Variants in ZNF200 observed in about 807,000 individuals in gnomAD.
ZNF200 encodes zinc finger protein 200.
Under a neutral mutation model 33.6 loss-of-function variants are expected in ZNF200, and 35 were observed. That is an observed-to-expected ratio of 1.04 (90% CI 0.80 to 1.38). ZNF200 has a LOEUF of 1.38. ZNF200 is among the 40% of genes most tolerant of loss of function. The pLI, the probability that ZNF200 is intolerant of heterozygous loss-of-function variation, is 0.00. For synonymous variants in ZNF200, 209 were observed against 167.7 expected (o/e 1.25, Z -1.90); for missense variants, 592 against 470.6 (o/e 1.26, Z -2.39).
intron 2 of ZNF200, 62 bp from the exon 3 acceptor site, chr16:3,232,983 A>G: frequency 6.8e-7 from 1 of 1,469,268 alleles, no homozygotes. Context: ...GAGACTCCCC[A>G]TACCGCGAGG....
At chr16:3,225,935 A>AG (rs1297417607) in intron 4 of ZNF200, 1 of 148,902 alleles carries the variant, frequency 6.7e-6, no homozygotes, top group East Asian at 2.0e-4. Context: ...TGGCAGAGAT[A>AG]GGGTCTTGCT....
chr16:3,222,975 T>C lies in ZNF200; in HGVS notation c.*917A>G, dbSNP rs1467561622. 7 of 152,408 alleles carry C rather than the reference T, an allele frequency of 4.6e-5. No individual in the cohort carries two copies. In the East Asian group the frequency reaches 9.6e-4, roughly 21 times the overall value. 9.4% of individuals were successfully genotyped at this position (152,408 alleles called of 1,614,324 possible). A position where few individuals can be genotyped will look rare whatever the true frequency, so the allele number is the denominator to read the frequency against. ...GGGACCTAAGCATATGGTAAGGTTA[T>C]TGATGAGACATGGATCCAAGCCAAC... On this transcript the variant is annotated 3_prime_UTR_variant, in exon 5 of 5. Coordinates refer to ENST00000414144, the MANE Select transcript of ZNF200 (RefSeq NM_198088.3).
intron 1 of ZNF200, 79 bp from the exon 2 acceptor site, chr16:3,233,915 A>T: frequency 1.6e-5 from 19 of 1,151,676 alleles, no homozygotes; most frequent in East Asian, 1.1e-4. Flanking sequence ...ATGGCTGGTG[A>T]GGCTACATGA....
At chr16:3,232,216 C>A (rs570019849) in intron 4 of ZNF200, among the ~76,000 whole-genome samples, 20 of 152,110 alleles carry the variant, frequency 1.3e-4, no homozygotes, top group Non-Finnish European at 2.8e-4. Flanking sequence ...CTCACTGCCC[C>A]CAAGATACAG....
At chr16:3,231,658 G>A (rs1008661162) in intron 4 of ZNF200, among the ~76,000 whole-genome samples, 3 of 152,172 alleles carry the variant, frequency 2.0e-5, no homozygotes, top group Non-Finnish European at 2.9e-5. Context: ...GGGAAATGAG[G>A]ACAAATAAAG....
chr16:3,224,323 T>G lies in ZNF200; in HGVS notation c.757A>C (p.Thr253Pro), dbSNP rs1209993784. Residue 253 changes from threonine (T) to proline (P), a missense_variant, in exon 5 of 5, where the codon ACT becomes CCT. Thr to Pro is a conservative substitution (Grantham distance 38). Coordinates refer to ENST00000414144, the MANE Select transcript of ZNF200 (RefSeq NM_198088.3). ...AACTGTTTCCCACACAGTGGACAAGTGTACCATCTCCTTGTCCTCCGATTT... is the reference window on the plus strand; with the variant it reads ...AACTGTTTCCCACACAGTGGACAAGGGTACCATCTCCTTGTCCTCCGATTT... ...TRNRRTRRWY[T>P]CPLCGKQFNE... 3.7e-6 allele frequency: 6 copies of G among 1,614,064 alleles called. No individual in the cohort carries two copies. Among genetic ancestry groups the G allele is most frequent in the South Asian group, 1.1e-5 (1 of 91,084 alleles).
chr16:3,233,998 G>C, intron 1 of ZNF200, 162 bp from the exon 2 acceptor site: 1 of 423,274 alleles, frequency 2.4e-6, no homozygotes, highest in Non-Finnish European at 4.0e-6. Flanking sequence ...ATATGCTTAG[G>C]AAGATGTGAA....
Position 3,223,942 on chromosome 16 carries a change from T to G in ZNF200, c.1138A>C (p.Thr380Pro). The G allele has an allele frequency of 6.2e-7, 1 of 1,614,044 alleles. No individual in the cohort carries two copies. The highest frequency in any genetic ancestry group is 8.5e-7 in the Non-Finnish European group (1 of 1,179,998). Residue 380 changes from threonine (T) to proline (P), a missense_variant, in exon 5 of 5, where the codon ACC (threonine) becomes CCC (proline). Coordinates refer to ENST00000414144, the MANE Select transcript of ZNF200 (RefSeq NM_198088.3). ...GCTGAGTGGGTTTTCTCATGCCGGG[T>G]ACAGTTTGACAGCCGACCAAATCTT... ...GRRFGRLSNC[T>P]RHEKTHSACK...
At chr16:3,231,579 C>T (rs1235430434) in intron 4 of ZNF200, among the ~76,000 whole-genome samples, 2 of 152,224 alleles carry the variant, frequency 1.3e-5, no homozygotes, top group Non-Finnish European at 2.9e-5. Context: ...CATCTCTAAG[C>T]AAATTATAGA....
intron 4 of ZNF200, among the ~76,000 whole-genome samples, chr16:3,229,851 G>T (rs111362343): frequency 6.9e-6 from 1 of 145,310 alleles, no homozygotes; most frequent in Non-Finnish European, 1.5e-5. Context: ...AGGTGACAGC[G>T]AGACTCCGTC....
chr16:3,227,073 TG>T (rs1420959047), intron 4 of ZNF200: 2 of 152,350 alleles, frequency 1.3e-5, no homozygotes, highest in African/African-American at 4.8e-5. Context: ...CCCGAGTAGC[TG>T]GGATTATAGG....
intron 1 of ZNF200, 54 bp from the exon 2 acceptor site, chr16:3,233,890 A>G (rs931399262): frequency 2.8e-6 from 4 of 1,417,440 alleles, no homozygotes; most frequent in Middle Eastern, 2.6e-4. Flanking sequence ...GCATTACTGC[A>G]CTCCAATATG....
chr16:3,228,850 T>G (rs1259608883), intron 4 of ZNF200, among the ~76,000 whole-genome samples: 1 of 152,170 alleles, frequency 6.6e-6, no homozygotes, highest in African/African-American at 2.4e-5. Context: ...ATCCAAACTA[T>G]ATCAGCAACC....
At chr16:3,232,345 C>T in intron 4 of ZNF200, 76 bp downstream of exon 4, 1 of 1,530,896 alleles carries the variant, frequency 6.5e-7, no homozygotes. Flanking sequence ...TGAATCGTCC[C>T]CCAAAGCTAA....
At chr16:3,226,051 CTTTTTTTTT>C (rs1239171798) in intron 4 of ZNF200, 1 of 50,446 alleles carries the variant, frequency 2.0e-5, no homozygotes, top group Non-Finnish European at 4.2e-5. Flanking sequence ...TTTTTTCTTT[CTTTTTTTTT>C]TTTTTTTTTT....
At chr16:3,226,186 G>A (rs971607194) in intron 4 of ZNF200, 1 of 150,886 alleles carries the variant, frequency 6.6e-6, no homozygotes, top group Non-Finnish European at 1.5e-5. Context: ...CCCAGTAGCT[G>A]GGACTACAGA....
At position 3,233,813 on chromosome 16, in the gene ZNF200, G is replaced by C; in HGVS notation, c.-58C>G. ...GGGCCTCCAGAGCCACCTCTTACTA[G>C]AGGAAATCTGCCAGAGAGCCAAGCT... On this transcript the variant is annotated 5_prime_UTR_variant, in exon 2 of 5. Coordinates refer to ENST00000414144, the MANE Select transcript of ZNF200 (RefSeq NM_198088.3). The C allele has an allele frequency of 1.3e-6, 2 of 1,535,762 alleles. No individual in the cohort carries two copies. The highest frequency in any genetic ancestry group is 1.8e-6 in the Non-Finnish European group (2 of 1,142,290).
chr16:3,232,359 G>C (rs1958657081), intron 4 of ZNF200, 62 bp downstream of exon 4: 1 of 1,576,122 alleles, frequency 6.3e-7, no homozygotes, highest in Non-Finnish European at 8.6e-7. Flanking sequence ...AAGCTAAAGA[G>C]ATGAAGGACA....
chr16:3,231,287 C>A (rs776655813), intron 4 of ZNF200, among the ~76,000 whole-genome samples: 13 of 152,158 alleles, frequency 8.5e-5, no homozygotes, highest in Non-Finnish European at 1.6e-4. Flanking sequence ...TTATCCTTTT[C>A]TCTAAAATAA....
Sources: allele counts gnomAD v4.1 joint callset (sites outside exome capture counted in the v4.1 genomes callset), GRCh38; gene constraint gnomAD v4.1.1; transcripts MANE v1.5; gene names NCBI Gene and HGNC (gene_info 2026-07-23, HGNC 2026-07-21).